Variants in IGSF11 observed in about 807,000 individuals in gnomAD.
The protein encoded by IGSF11 is immunoglobulin superfamily member 11, also known as CXADR like 1.
A neutral mutation model predicts 41.0 loss-of-function variants in IGSF11; 22 were observed. The observed-to-expected ratio is 0.54, with a 90% confidence interval of 0.38 to 0.77. The LOEUF is 0.77. IGSF11 is among the 30% of genes least tolerant of loss of function. IGSF11 has a pLI of 0.00. For synonymous variants in IGSF11, 219 were observed against 201.3 expected, an observed-to-expected ratio of 1.09 and a Z score of -0.74; for missense variants, 444 against 530.8, an observed-to-expected ratio of 0.84 and a Z score of 1.61.
At chr3:119,004,791 C>A (rs1436746692) in intron 1 of IGSF11, among the ~76,000 whole-genome samples, 1 of 151,050 alleles carries the variant, frequency 6.6e-6, no homozygotes, top group Non-Finnish European at 1.5e-5. Flanking sequence ...GATTCTTAAT[C>A]CTGAGTTCTA....
rs913837543 is a variant in IGSF11, at chr3:119,017,044, A to C, written c.52+17487T>G. 7.5e-4 allele frequency among the ~76,000 whole-genome samples: 114 copies of C among 151,846 alleles called. 1 individual carries two copies. Among genetic ancestry groups the C allele is most frequent in the East Asian group, 5.4e-3 (28 of 5,170 alleles). On this transcript the variant is annotated intron_variant, in intron 1 of 6. Coordinates refer to ENST00000393775, the MANE Select transcript of IGSF11 (RefSeq NM_001015887.3). Reference sequence around the variant, plus strand: ...AAAGTTAAATGGACGCAGGACAAAAAAAAAAAAAAAAAAGCCAACTATGGG... The same window carrying C: ...AAAGTTAAATGGACGCAGGACAAAACAAAAAAAAAAAAAGCCAACTATGGG...
intron 1 of IGSF11, among the ~76,000 whole-genome samples, chr3:119,115,397 C>G (rs182822537): frequency 1.3e-5 from 2 of 152,320 alleles, no homozygotes; most frequent in Admixed American, 1.3e-4. Context: ...TTCCTCACAT[C>G]CTTGGCAGCA....
At chr3:118,924,372 T>C (rs970821114) in intron 4 of IGSF11, among the ~76,000 whole-genome samples, 1 of 152,122 alleles carries the variant, frequency 6.6e-6, no homozygotes, top group Non-Finnish European at 1.5e-5. Context: ...ATTAGTAAAG[T>C]AAATCTTCTG....
At chr3:119,086,054 A>C (rs1480694849) in intron 1 of IGSF11, among the ~76,000 whole-genome samples, 1 of 152,216 alleles carries the variant, frequency 6.6e-6, no homozygotes, top group Non-Finnish European at 1.5e-5. Flanking sequence ...TTACAGTTAC[A>C]AAGTCATTTA....
chr3:119,114,929 G>A (rs942463773), intron 1 of IGSF11, among the ~76,000 whole-genome samples: 2 of 152,140 alleles, frequency 1.3e-5, no homozygotes, highest in African/African-American at 4.8e-5. Flanking sequence ...TAATCATGAT[G>A]GAAGGCAAAG....
At chr3:119,082,737 T>C (rs1400882022) in intron 1 of IGSF11, among the ~76,000 whole-genome samples, 1 of 152,218 alleles carries the variant, frequency 6.6e-6, no homozygotes, top group Non-Finnish European at 1.5e-5. Context: ...TTAGTGTTTG[T>C]ATGTTCAAAC....
At chr3:119,110,761 C>G (rs2077141821) in intron 1 of IGSF11, among the ~76,000 whole-genome samples, 2 of 151,998 alleles carry the variant, frequency 1.3e-5, no homozygotes, top group African/African-American at 4.8e-5. Context: ...GTGCTTCCTT[C>G]AGGAGCTCTT....
At chr3:119,011,557 T>C (rs9882006) in intron 1 of IGSF11, among the ~76,000 whole-genome samples, 5,040 of 151,910 alleles carry the variant, frequency 0.033, 290 homozygotes, top group African/African-American at 0.12. Context: ...CAAGGCAACA[T>C]AGGCTACCAG....
intron 1 of IGSF11, among the ~76,000 whole-genome samples, chr3:119,141,770 A>C (rs1250067569): frequency 6.6e-6 from 1 of 151,968 alleles, no homozygotes; most frequent in East Asian, 1.9e-4. Context: ...TATTATTGTG[A>C]ATAAATAGCC....
intron 1 of IGSF11, among the ~76,000 whole-genome samples, chr3:118,996,592 G>A (rs1232105129): frequency 4.1e-5 from 6 of 147,686 alleles, no homozygotes; most frequent in Non-Finnish European, 7.5e-5. Context: ...AACATGTCTT[G>A]TTTTTTTTTT....
rs142742045 is a variant in IGSF11, at chr3:119,074,045, T to G, written c.49+31099A>C. On this transcript the variant is annotated intron_variant, in intron 1 of 6. Coordinates refer to the IGSF11 transcript ENST00000354673. ...GCTCTTAGAGACCTGCAAATAGACTTAGATAACCACACAGTAATAGTGGGA... is the reference window on the plus strand; with the variant it reads ...GCTCTTAGAGACCTGCAAATAGACTGAGATAACCACACAGTAATAGTGGGA... Among the ~76,000 whole-genome samples, 397 of 152,314 alleles carry G rather than the reference T, an allele frequency of 2.6e-3. 10 individuals are homozygous for G. The East Asian group carries it at 0.074, about 28-fold the overall frequency.
rs139457249 is a variant in IGSF11 at position 118,905,233 on chromosome 3, T to C, written c.703+363A>G. On this transcript the variant is annotated intron_variant, in intron 5 of 6. Coordinates refer to ENST00000393775, the MANE Select transcript of IGSF11 (RefSeq NM_001015887.3). ...GAGAAGTTTTCTACACTGCCATTTATAACCTAGACACCCCAAAATTTTGCA... is the reference window on the plus strand; with the variant it reads ...GAGAAGTTTTCTACACTGCCATTTACAACCTAGACACCCCAAAATTTTGCA... Among the ~76,000 whole-genome samples, 518 of 152,240 alleles carry C rather than the reference T, an allele frequency of 3.4e-3. 3 individuals carry two copies. The highest frequency in any genetic ancestry group is 0.011 in the African/African-American group (464 of 41,544).
upstream of IGSF11, among the ~76,000 whole-genome samples, chr3:119,106,258 A>G (rs1052438427): frequency 3.3e-5 from 5 of 152,200 alleles, no homozygotes; most frequent in Admixed American, 6.5e-5. Context: ...TTAAATTGTT[A>G]TTGACTATAG....
intron 1 of IGSF11, among the ~76,000 whole-genome samples, chr3:118,992,497 T>C (rs1935886213): frequency 6.6e-6 from 1 of 152,206 alleles, no homozygotes; most frequent in Non-Finnish European, 1.5e-5. Context: ...ATTCACCAGA[T>C]TAACAGATTC....
intron 1 of IGSF11, among the ~76,000 whole-genome samples, chr3:119,052,220 C>T (rs1408135081): frequency 6.6e-6 from 1 of 152,060 alleles, no homozygotes; most frequent in African/African-American, 2.4e-5. Context: ...TGGCTCATGC[C>T]TATAATCTCA....
intron 1 of IGSF11, among the ~76,000 whole-genome samples, chr3:119,116,699 G>A (rs371814003): frequency 1.3e-5 from 2 of 152,176 alleles, no homozygotes; most frequent in East Asian, 1.9e-4. Flanking sequence ...GTCCTGCTAA[G>A]GTGCAGACAT....
intron 4 of IGSF11, among the ~76,000 whole-genome samples, chr3:118,917,374 GAAA>G: frequency 6.7e-6 from 1 of 148,624 alleles, no homozygotes; most frequent in African/African-American, 2.5e-5. Context: ...GACTAATAAA[GAAA>G]AAAAGAGAGA....
chr3:119,094,274 A>C (rs2076814086), intron 1 of IGSF11, among the ~76,000 whole-genome samples: 1 of 139,700 alleles, frequency 7.2e-6, no homozygotes, highest in South Asian at 2.4e-4. Flanking sequence ...TTAGTAAATA[A>C]ATATTACTCA....
intron 1 of IGSF11, among the ~76,000 whole-genome samples, chr3:119,034,329 A>G (rs1940713339): frequency 6.6e-6 from 1 of 152,170 alleles, no homozygotes; most frequent in African/African-American, 2.4e-5. Context: ...CTGACAAGGA[A>G]CACCTGGGCT....
Sources: gnomAD v4.1 joint callset for allele counts (sites outside exome capture counted in the v4.1 genomes callset) on GRCh38, gnomAD v4.1.1 for gene constraint, MANE v1.5 for transcripts, NCBI Gene and HGNC (gene_info 2026-07-23, HGNC 2026-07-21) for gene names.